The following GPC5 variants were observed in gnomAD, a reference collection of about 807,000 sequenced individuals.
The protein encoded by GPC5 is glypican-5.
In GPC5, 47 loss-of-function variants were observed where a neutral mutation model predicts 53.9. The ratio of observed to expected loss-of-function variants is 0.87; its 90% CI spans 0.69 to 1.11. The LOEUF (loss-of-function observed/expected upper bound fraction) is 1.11, where lower values mean the gene tolerates loss of function less well. GPC5 is among the 50% of genes most tolerant of loss of function. The pLI is 0.00. For synonymous variants in GPC5, 286 were observed against 263.3 expected, an observed-to-expected ratio of 1.09 and a Z score of -0.84; for missense variants, 748 against 713.1, an observed-to-expected ratio of 1.05 and a Z score of -0.56.
intron 7 of GPC5, among the ~76,000 whole-genome samples, chr13:92,705,365 T>A (rs1348139387): frequency 6.6e-6 from 1 of 152,150 alleles, no homozygotes; most frequent in Non-Finnish European, 1.5e-5. Context: ...AAATAGAATA[T>A]GAATTTTATT....
intron 7 of GPC5, among the ~76,000 whole-genome samples, chr13:92,738,927 C>G (rs1215181178): frequency 6.6e-6 from 1 of 152,080 alleles, no homozygotes. Context: ...CATTTGACCA[C>G]AGTACTATCT....
At chr13:92,064,709 A>G (rs970283016) in intron 6 of GPC5, among the ~76,000 whole-genome samples, 4 of 145,952 alleles carry the variant, frequency 2.7e-5, no homozygotes, top group South Asian at 2.2e-4. Context: ...GTGAGCCAAG[A>G]TCGCGCCATT....
intron 6 of GPC5, among the ~76,000 whole-genome samples, chr13:91,983,130 G>C (rs942224453): frequency 6.6e-6 from 1 of 151,962 alleles, no homozygotes; most frequent in Non-Finnish European, 1.5e-5. Flanking sequence ...CGGATCACGA[G>C]GTCAGGAGAT....
At chr13:92,176,932 C>CCCTGTTATATCAT (rs1228004050) in intron 7 of GPC5, among the ~76,000 whole-genome samples, 4 of 152,226 alleles carry the variant, frequency 2.6e-5, no homozygotes, top group African/African-American at 7.2e-5. Flanking sequence ...ATAACAGGCA[C>CCCTGTTATATCAT]TGCTTCACCC....
intron 7 of GPC5, among the ~76,000 whole-genome samples, chr13:92,807,234 T>C (rs1290072444): frequency 6.6e-6 from 1 of 152,094 alleles, no homozygotes; most frequent in African/African-American, 2.4e-5. Context: ...TGTTCGCCAA[T>C]AATTCACGTA....
At chr13:92,147,917 A>C (rs959207368) in intron 7 of GPC5, among the ~76,000 whole-genome samples, 2 of 152,088 alleles carry the variant, frequency 1.3e-5, no homozygotes, top group African/African-American at 4.8e-5. Context: ...GTTTTGGCCC[A>C]GTTTGAATAT....
chr13:92,206,220 T>C (rs1165361809), intron 7 of GPC5, among the ~76,000 whole-genome samples: 72 of 147,616 alleles, frequency 4.9e-4, no homozygotes, highest in African/African-American at 1.3e-3. Flanking sequence ...GGCTGGAGTG[T>C]AGTGGCGCAA....
intron 7 of GPC5, among the ~76,000 whole-genome samples, chr13:92,636,838 A>C (rs1885420767): frequency 6.6e-6 from 1 of 152,100 alleles, no homozygotes; most frequent in African/African-American, 2.4e-5. Context: ...TGCATCTAAA[A>C]CTTAGTACGT....
intron 7 of GPC5, among the ~76,000 whole-genome samples, chr13:92,472,579 A>G (rs1295403548): frequency 6.6e-6 from 1 of 152,132 alleles, no homozygotes; most frequent in Non-Finnish European, 1.5e-5. Flanking sequence ...GGGTCAGTCA[A>G]TGAATACTTT....
chr13:91,730,337 C>A (rs946541884), intron 4 of GPC5, among the ~76,000 whole-genome samples: 13 of 152,124 alleles, frequency 8.5e-5, no homozygotes. Context: ...AATAGATGAG[C>A]AATGTAGCAC....
intron 7 of GPC5, among the ~76,000 whole-genome samples, chr13:92,165,425 G>T (rs141727308): frequency 6.6e-6 from 1 of 152,132 alleles, no homozygotes; most frequent in Non-Finnish European, 1.5e-5. Context: ...AAGAAAAAAG[G>T]TTTAATTGAT....
chr13:92,242,685 T>C (rs1566501014), intron 7 of GPC5, among the ~76,000 whole-genome samples: 1 of 152,148 alleles, frequency 6.6e-6, no homozygotes, highest in Non-Finnish European at 1.5e-5. Flanking sequence ...ATGTCAGATA[T>C]CATTCAGAAA....
chr13:91,991,086 C>T (rs2040451941), intron 6 of GPC5, among the ~76,000 whole-genome samples: 1 of 152,146 alleles, frequency 6.6e-6, no homozygotes, highest in South Asian at 2.1e-4. Context: ...TGGCACCAGC[C>T]CGAGGACACA....
At chr13:92,508,227 C>G (rs201422090) in intron 7 of GPC5, among the ~76,000 whole-genome samples, 4 of 152,244 alleles carry the variant, frequency 2.6e-5, no homozygotes, top group Admixed American at 2.6e-4. Flanking sequence ...CTCCCAAAGT[C>G]CTGGGATACC....
intron 5 of GPC5, among the ~76,000 whole-genome samples, chr13:91,812,302 C>G (rs547597909): frequency 6.6e-6 from 1 of 151,974 alleles, no homozygotes; most frequent in South Asian, 2.1e-4. Flanking sequence ...TATTTATGTG[C>G]CTGTTTTTTA....
intron 7 of GPC5, among the ~76,000 whole-genome samples, chr13:92,307,201 A>C (rs2043116711): frequency 6.6e-6 from 1 of 152,250 alleles, no homozygotes; most frequent in Non-Finnish European, 1.5e-5. Flanking sequence ...TGATATGAAA[A>C]GGAAAATATA....
At chr13:91,480,614 T>C (rs1204352279) in intron 2 of GPC5, among the ~76,000 whole-genome samples, 1 of 152,214 alleles carries the variant, frequency 6.6e-6, no homozygotes, top group Non-Finnish European at 1.5e-5. Flanking sequence ...ATACAATTTC[T>C]ACTAGGTTCT....
At chr13:92,794,399 T>C (rs1876579898) in intron 7 of GPC5, among the ~76,000 whole-genome samples, 1 of 152,172 alleles carries the variant, frequency 6.6e-6, no homozygotes, top group Non-Finnish European at 1.5e-5. Flanking sequence ...TAATTAGAGC[T>C]ATTTATGACA....
chr13:91,750,674 C>CTTTTTTTTTTTTTTT (rs752907631), intron 4 of GPC5, among the ~76,000 whole-genome samples: 1 of 82,018 alleles, frequency 1.2e-5, no homozygotes, highest in African/African-American at 5.0e-5. Flanking sequence ...TAGGTAAGTC[C>CTTTTTTTTTTTTTTT]TTTTTTTTTT....
Sources: gnomAD v4.1 joint callset for allele counts (sites outside exome capture counted in the v4.1 genomes callset) on GRCh38, gnomAD v4.1.1 for gene constraint, MANE v1.5 for transcripts, NCBI Gene and HGNC (gene_info 2026-07-23, HGNC 2026-07-21) for gene names.